ABCG1: variants seen among roughly 807,000 people sequenced by gnomAD.
The protein encoded by ABCG1 is ATP-binding cassette sub-family G member 1.
A neutral mutation model predicts 69.2 loss-of-function variants in ABCG1; 29 were observed. That is an observed-to-expected ratio of 0.42 (90% confidence interval 0.31 to 0.57). ABCG1 has a LOEUF of 0.57. Ranked by LOEUF, ABCG1 falls within the 20% of genes least tolerant of loss-of-function variation. The pLI, the probability that ABCG1 is intolerant of heterozygous loss-of-function variation, is 0.15. For missense variants in ABCG1, 718 were observed against 898.1 expected (o/e 0.80, Z 2.56); for synonymous variants, 370 against 374.8 (o/e 0.99, Z 0.15).
intron 1 of ABCG1, among the ~76,000 whole-genome samples, chr21:42,220,525 T>C (rs2067708361): frequency 1.3e-5 from 2 of 152,218 alleles, no homozygotes; most frequent in Admixed American, 1.3e-4. Flanking sequence ...CGCCAGCTCA[T>C]TATATAATGA....
rs1284342629 is a variant in ABCG1, at chr21:42,256,030, TA to T, written c.287-15039del. ...GAGCCCCTAGAGCAGTAGCAGCCAT[TA>T]GGGGGAGCCACTGGGAGTCAGGTGC... On this transcript the variant is annotated intron_variant, in intron 2 of 14. Coordinates refer to ENST00000398449, the MANE Select transcript of ABCG1 (RefSeq NM_016818.3). The T allele has an allele frequency of 1.7e-5, 11 of 654,826 alleles. 1 individual carries two copies. The highest frequency in any genetic ancestry group is 4.3e-5 in the Admixed American group (1 of 23,514). The allele number at this position is 654,826 out of a possible 1,614,324, so 40.6% of individuals were successfully genotyped here. A position where few individuals can be genotyped will look rare whatever the true frequency, so the allele number is the denominator to read the frequency against.
At chr21:42,272,345 C>T (rs1420364631) in intron 3 of ABCG1, among the ~76,000 whole-genome samples, 2 of 152,164 alleles carry the variant, frequency 1.3e-5, no homozygotes, top group Admixed American at 6.5e-5. Flanking sequence ...CTTGGCATCT[C>T]GGAGCTGCAG....
At chr21:42,292,319 G>A (rs1422526348) in intron 13 of ABCG1, among the ~76,000 whole-genome samples, 1 of 152,070 alleles carries the variant, frequency 6.6e-6, no homozygotes, top group Admixed American at 6.5e-5. Flanking sequence ...GGCCTCCAGG[G>A]CCCAGGTGCC....
intron 5 of ABCG1, among the ~76,000 whole-genome samples, chr21:42,281,871 T>C (rs2068815771): frequency 6.6e-6 from 1 of 152,216 alleles, no homozygotes; most frequent in African/African-American, 2.4e-5. Context: ...TTGTGCATCC[T>C]CTCATGTGTC....
chr21:42,280,179 G>C (rs935731792), intron 5 of ABCG1, among the ~76,000 whole-genome samples: 4 of 152,222 alleles, frequency 2.6e-5, no homozygotes, highest in Non-Finnish European at 5.9e-5. Flanking sequence ...TCGCCATCGG[G>C]CCCACCATCA....
intron 2 of ABCG1, among the ~76,000 whole-genome samples, chr21:42,229,250 A>G (rs1397387153): frequency 2.6e-5 from 4 of 152,186 alleles, no homozygotes; most frequent in African/African-American, 9.7e-5. Context: ...GTCAGGGGCT[A>G]CTTCTCTGAC....
upstream of ABCG1, among the ~76,000 whole-genome samples, chr21:42,217,416 G>C (rs183135163): frequency 6.6e-5 from 10 of 152,050 alleles, no homozygotes; most frequent in African/African-American, 2.4e-4. Flanking sequence ...TTCCTGGAGC[G>C]AGATGGGTCC....
chr21:42,294,930 C>T (rs901212433), intron 14 of ABCG1: 28 of 413,504 alleles, frequency 6.8e-5, no homozygotes, highest in African/African-American at 5.4e-4. Context: ...TTGCCGAGAG[C>T]TGCCTTCGGT....
Position 42,225,825 on chromosome 21 carries a change from T to C in ABCG1, c.197T>C (p.Phe66Ser), listed in dbSNP as rs1011052494. ...VDNNLTEAQR[F>S]SSLPRRAAVN... ...AATAACCTCACGGAAGCCCAGCGCT[T>C]CTCCTCCTTGCCTCGGAGGGCAGCT... Residue 66 changes from phenylalanine to serine, a missense_variant, in exon 2 of 15, where the codon TTC becomes TCC. Coordinates refer to ENST00000398449, the MANE Select transcript of ABCG1 (RefSeq NM_016818.3). 6.2e-7 allele frequency: 1 copy of C among 1,613,806 alleles called. No homozygotes were observed. Among genetic ancestry groups the C allele is most frequent in the African/African-American group, 1.3e-5 (1 of 74,822 alleles).
chr21:42,218,382 G>T (rs1378443652), upstream of ABCG1, among the ~76,000 whole-genome samples: 3 of 152,154 alleles, frequency 2.0e-5, no homozygotes, highest in African/African-American at 4.8e-5. Context: ...TTCCAGCCTG[G>T]GGCCACATGG....
chr21:42,234,932 G>C (rs1317137273), intron 2 of ABCG1, among the ~76,000 whole-genome samples: 1 of 151,968 alleles, frequency 6.6e-6, no homozygotes, highest in East Asian at 1.9e-4. Flanking sequence ...GCGGCGGAGC[G>C]GCGGCGCGGG....
chr21:42,233,363 G>A (rs1017389963), intron 2 of ABCG1, among the ~76,000 whole-genome samples: 1 of 152,182 alleles, frequency 6.6e-6, no homozygotes, highest in Non-Finnish European at 1.5e-5. Flanking sequence ...CTGCCCCGTG[G>A]AGGGAGCCTT....
chr21:42,261,268 C>T (rs529706166), intron 2 of ABCG1, among the ~76,000 whole-genome samples: 16 of 147,994 alleles, frequency 1.1e-4, no homozygotes, highest in East Asian at 1.1e-3. Context: ...GTTTACTAAA[C>T]GGAGGCATTT....
chr21:42,241,785 G>A (rs968732573), intron 2 of ABCG1, among the ~76,000 whole-genome samples: 2 of 150,530 alleles, frequency 1.3e-5, no homozygotes, highest in Admixed American at 6.6e-5. Context: ...GCAGGAGGTC[G>A]AGACCAGCCT....
At position 42,288,072 on chromosome 21, in the gene ABCG1, A is replaced by C. The variant is rs2068979519; in HGVS notation, c.1122+35A>C. ...ACAAAACGATTAAAGGGGTTGAGAA[A>C]GGTAATGCAAATCCCGAAGCCCCCT... On this transcript the variant is annotated intron_variant, in intron 9 of 14. Coordinates refer to ENST00000398449, the MANE Select transcript of ABCG1 (RefSeq NM_016818.3). The surrounding 1 kb of genome is among the most constrained non-coding windows in gnomAD (Gnocchi z 4.8). 5 of 1,604,132 alleles carry C rather than the reference A, an allele frequency of 3.1e-6. No individual in the cohort carries two copies. The East Asian group carries it at 1.1e-4, about 36-fold the overall frequency.
chr21:42,282,840 T>G (rs868373371), intron 6 of ABCG1, among the ~76,000 whole-genome samples: 1 of 152,138 alleles, frequency 6.6e-6, no homozygotes, highest in Non-Finnish European at 1.5e-5. Flanking sequence ...GGATCCTGCC[T>G]CGGTTGCTCA....
intron 6 of ABCG1, among the ~76,000 whole-genome samples, chr21:42,283,361 G>A (rs1193096314): frequency 9.9e-5 from 15 of 152,268 alleles, no homozygotes; most frequent in African/African-American, 3.1e-4. Flanking sequence ...GGTGGGCTCC[G>A]GGGGACTGCC....
At chr21:42,203,863 T>G (rs2067524175) in intron 2 of ABCG1, among the ~76,000 whole-genome samples, 1 of 152,256 alleles carries the variant, frequency 6.6e-6, no homozygotes, top group Admixed American at 6.5e-5. Context: ...CTACGTTAAG[T>G]CTTCCAATCT....
At chr21:42,280,051 G>C (rs796853928) in intron 5 of ABCG1, among the ~76,000 whole-genome samples, 3 of 152,288 alleles carry the variant, frequency 2.0e-5, no homozygotes, top group Admixed American at 6.5e-5. Flanking sequence ...ATTCCTCTTC[G>C]GCTGGATTGA....
Sources: allele counts gnomAD v4.1 joint callset (sites outside exome capture counted in the v4.1 genomes callset), GRCh38; gene constraint gnomAD v4.1.1; non-coding constraint Gnocchi (gnomAD v3.1); transcripts MANE v1.5; gene names NCBI Gene and HGNC (gene_info 2026-07-23, HGNC 2026-07-21).